Variants in CCNJL observed in about 807,000 individuals in gnomAD.
The protein encoded by CCNJL is cyclin-J-like protein.
Under a neutral mutation model 33.4 loss-of-function variants are expected in CCNJL, and 33 were observed. The observed-to-expected ratio is 0.99, with a 90% CI of 0.75 to 1.32. The LOEUF (loss-of-function observed/expected upper bound fraction) is 1.32. CCNJL is among the 40% of genes most tolerant of loss of function. The probability of loss-of-function intolerance (pLI) is 0.00; values close to 1 mark genes in which losing one functional copy is unlikely to be tolerated. For missense variants in CCNJL, 512 were observed against 499.7 expected (o/e 1.02, Z -0.23); for synonymous variants, 227 against 220.9 (o/e 1.03, Z -0.24).
chr5:160,316,938 C>T (rs1763387267), upstream of CCNJL, among the ~76,000 whole-genome samples: 1 of 152,204 alleles, frequency 6.6e-6, no homozygotes, highest in Non-Finnish European at 1.5e-5. Flanking sequence ...CAGGGTCAAG[C>T]ATATAAATTC....
chr5:160,315,771 T>A (rs1375208354), upstream of CCNJL, among the ~76,000 whole-genome samples: 1 of 152,232 alleles, frequency 6.6e-6, no homozygotes, highest in Non-Finnish European at 1.5e-5. Flanking sequence ...TACTTTAAAA[T>A]AATCACATGA....
intron 3 of CCNJL, among the ~76,000 whole-genome samples, chr5:160,269,185 T>G (rs1398362966): frequency 6.6e-6 from 1 of 152,188 alleles, no homozygotes; most frequent in Non-Finnish European, 1.5e-5. Flanking sequence ...TGGGAGGACT[T>G]CCCTGTGTCA....
chr5:160,274,503 G>A (rs1425910233), intron 3 of CCNJL, among the ~76,000 whole-genome samples: 1 of 152,134 alleles, frequency 6.6e-6, no homozygotes, highest in Non-Finnish European at 1.5e-5. Flanking sequence ...CTTTTCACAG[G>A]TAAGCTCAGC....
chr5:160,259,887 A>T, intron 3 of CCNJL, 116 bp from the exon 4 acceptor site: 1 of 828,054 alleles, frequency 1.2e-6, no homozygotes, highest in Non-Finnish European at 1.9e-6. Flanking sequence ...GAAAGCAGAC[A>T]GGCCAGACTG....
At chr5:160,294,181 G>C (rs977812660) in intron 2 of CCNJL, among the ~76,000 whole-genome samples, 4 of 152,198 alleles carry the variant, frequency 2.6e-5, no homozygotes, top group African/African-American at 9.7e-5. Flanking sequence ...CGACCTGGGA[G>C]GCCCAGCAAG....
rs149242427 is a variant in CCNJL at position 160,251,092 on chromosome 5, G to A, written c.*2286C>T. ...AGATGTTGCTGTCAAGGTATTTTTA[G>A]ATGTGATTAACATTTACAATCAGTT... On this transcript the variant is annotated 3_prime_UTR_variant, in exon 6 of 6. Transcript: ENST00000257536. 2.6e-5 allele frequency: 4 copies of A among 152,294 alleles called. No individual in the cohort carries two copies. In the East Asian group the frequency reaches 7.7e-4, roughly 29 times the overall value. 9.4% of individuals were successfully genotyped at this position (152,294 alleles called of 1,614,324 possible).
At chr5:160,299,786 A>T (rs1309166794) in intron 2 of CCNJL, among the ~76,000 whole-genome samples, 7 of 152,086 alleles carry the variant, frequency 4.6e-5, no homozygotes, top group African/African-American at 1.7e-4. Flanking sequence ...AAAGTTAAGG[A>T]AAAAACAATG....
intron 2 of CCNJL, among the ~76,000 whole-genome samples, chr5:160,308,747 C>T (rs2113451602): frequency 6.6e-6 from 1 of 152,354 alleles, no homozygotes; most frequent in East Asian, 1.9e-4. Context: ...CAGAGTGAGA[C>T]TCCGTCTCAA....
intron 2 of CCNJL, among the ~76,000 whole-genome samples, chr5:160,303,468 A>T (rs1581006178): frequency 6.6e-6 from 1 of 151,760 alleles, no homozygotes; most frequent in East Asian, 1.9e-4. Context: ...AGCCTCCCAA[A>T]GTGCTGGGAT....
At chr5:160,332,939 G>A (rs145540734) in intron 1 of CCNJL, among the ~76,000 whole-genome samples, 8 of 152,202 alleles carry the variant, frequency 5.3e-5, no homozygotes, top group South Asian at 4.1e-4. Context: ...GCCCAGCTGA[G>A]TGCCAGGCAT....
intron 3 of CCNJL, among the ~76,000 whole-genome samples, chr5:160,277,221 A>T (rs1158723115): frequency 6.6e-6 from 1 of 152,210 alleles, no homozygotes; most frequent in African/African-American, 2.4e-5. Flanking sequence ...TGACAGCACG[A>T]CCGCATAGGC....
chr5:160,322,369 G>T (rs1443956149), intron 1 of CCNJL, among the ~76,000 whole-genome samples: 3 of 152,090 alleles, frequency 2.0e-5, no homozygotes, highest in African/African-American at 7.2e-5. Flanking sequence ...TCTAGTTAAT[G>T]ATCTCAAGCA....
intron 2 of CCNJL, among the ~76,000 whole-genome samples, chr5:160,310,110 G>A (rs888020687): frequency 1.3e-5 from 2 of 152,102 alleles, no homozygotes; most frequent in African/African-American, 2.4e-5. Flanking sequence ...GGTAGAAGTC[G>A]TTCCTCCTAA....
chr5:160,301,089 C>T (rs930233746), intron 2 of CCNJL, among the ~76,000 whole-genome samples: 2 of 152,238 alleles, frequency 1.3e-5, no homozygotes, highest in Non-Finnish European at 2.9e-5. Context: ...TCAAGGATCA[C>T]CACAGCAGTG....
intron 3 of CCNJL, among the ~76,000 whole-genome samples, chr5:160,267,375 GA>G (rs1334597531): frequency 6.6e-6 from 1 of 152,190 alleles, no homozygotes; most frequent in Non-Finnish European, 1.5e-5. Flanking sequence ...GCTGATAAGG[GA>G]CAAAGCAGCA....
At chr5:160,259,346 G>A in intron 4 of CCNJL, 123 bp downstream of exon 4, 1 of 779,294 alleles carries the variant, frequency 1.3e-6, no homozygotes, top group South Asian at 1.8e-5. Context: ...AGAGTGATCT[G>A]GGTGCACAGG....
intron 2 of CCNJL, among the ~76,000 whole-genome samples, chr5:160,285,454 A>G (rs1453661906): frequency 6.6e-6 from 1 of 152,196 alleles, no homozygotes; most frequent in Admixed American, 6.5e-5. Context: ...AGGGAGAGGC[A>G]GTAAAGAAAG....
chr5:160,317,972 G>A (rs866754380), intron 1 of CCNJL, among the ~76,000 whole-genome samples: 1 of 151,838 alleles, frequency 6.6e-6, no homozygotes, highest in Non-Finnish European at 1.5e-5. Context: ...GTCTTCACAC[G>A]GGCTTCTTCT....
At chr5:160,300,961 A>G (rs1762901386) in intron 2 of CCNJL, among the ~76,000 whole-genome samples, 1 of 152,222 alleles carries the variant, frequency 6.6e-6, no homozygotes, top group Admixed American at 6.5e-5. Context: ...CTGGAAGTAT[A>G]CTAGCGCAAT....
Sources: gnomAD v4.1 joint callset for allele counts (sites outside exome capture counted in the v4.1 genomes callset) on GRCh38, gnomAD v4.1.1 for gene constraint, MANE v1.5 for transcripts, NCBI Gene and HGNC (gene_info 2026-07-23, HGNC 2026-07-21) for gene names.